The following KAZN variants were observed in gnomAD, a reference collection of about 807,000 sequenced individuals.
KAZN encodes kazrin.
A neutral mutation model predicts 87.4 loss-of-function variants in KAZN; 40 were observed. The ratio of observed to expected loss-of-function variants is 0.46; its 90% CI spans 0.36 to 0.60. KAZN has a LOEUF of 0.60. Among genes scored for constraint, KAZN ranks in the 20% least tolerant of loss-of-function variants. The probability of loss-of-function intolerance (pLI) is 0.00; values close to 1 mark genes in which losing one functional copy is unlikely to be tolerated. For synonymous variants in KAZN, 466 were observed against 458.3 expected, an observed-to-expected ratio of 1.02 and a Z score of -0.22; for missense variants, 898 against 1,073.9, an observed-to-expected ratio of 0.84 and a Z score of 2.29.
chr1:15,092,443 GTGTT>G (rs1640595215), intron 8 of KAZN, among the ~76,000 whole-genome samples: 1 of 151,190 alleles, frequency 6.6e-6, no homozygotes, highest in Non-Finnish European at 1.5e-5. Flanking sequence ...GTGTGTGTGT[GTGTT>G]TTTATTTGTT....
chr1:15,027,621 AATGTAGTTCCTGAAGGTTCCATG>A (rs1671304996), intron 2 of KAZN, among the ~76,000 whole-genome samples: 1 of 152,184 alleles, frequency 6.6e-6, no homozygotes, highest in Non-Finnish European at 1.5e-5. Context: ...CATTTCGCAG[AATGTAGTTCCTGAAGGTTCCATG>A]GGTCAGGAAC....
chr1:14,134,904 C>T (rs1228458180), intron 1 of KAZN, among the ~76,000 whole-genome samples: 2 of 151,874 alleles, frequency 1.3e-5, no homozygotes. Context: ...GATTCAATGA[C>T]ATATTTTCCA....
At chr1:14,236,270 G>T (rs1648412748) in intron 2 of KAZN, among the ~76,000 whole-genome samples, 1 of 152,142 alleles carries the variant, frequency 6.6e-6, no homozygotes, top group Non-Finnish European at 1.5e-5. Context: ...AGAGGGAGGT[G>T]TGAAGGTTCT....
intron 8 of KAZN, among the ~76,000 whole-genome samples, chr1:15,092,895 TG>T (rs1640619114): frequency 1.3e-5 from 2 of 150,322 alleles, no homozygotes; most frequent in African/African-American, 4.9e-5. Flanking sequence ...TATAGAAGAG[TG>T]GGGTTAGAAA....
chr1:14,128,553 C>G (rs1238032240), intron 1 of KAZN, among the ~76,000 whole-genome samples: 1 of 152,156 alleles, frequency 6.6e-6, no homozygotes, highest in African/African-American at 2.4e-5. Flanking sequence ...CTGTGTACCC[C>G]TGTGGTCTCT....
chr1:14,138,116 T>A (rs1385108352), intron 1 of KAZN, among the ~76,000 whole-genome samples: 2 of 151,360 alleles, frequency 1.3e-5, no homozygotes, highest in Non-Finnish European at 2.9e-5. Context: ...TGTATACATA[T>A]CCTATATGTT....
intron 2 of KAZN, among the ~76,000 whole-genome samples, chr1:14,447,583 A>C (rs1438089777): frequency 6.6e-6 from 1 of 152,064 alleles, no homozygotes. Flanking sequence ...TTACCTGGGC[A>C]ATGTCCATCC....
chr1:15,049,164 C>T (rs144612560), intron 4 of KAZN, among the ~76,000 whole-genome samples: 6 of 152,194 alleles, frequency 3.9e-5, no homozygotes, highest in Non-Finnish European at 7.4e-5. Flanking sequence ...CCAGCCTTCC[C>T]TCAGTCCACA....
intron 1 of KAZN, among the ~76,000 whole-genome samples, chr1:14,734,583 G>A (rs1172722858): frequency 6.6e-6 from 1 of 152,150 alleles, no homozygotes; most frequent in African/African-American, 2.4e-5. Flanking sequence ...AAAGTGCTGG[G>A]ATTACAGGCC....
At chr1:14,302,834 C>G (rs1461732668) in intron 2 of KAZN, among the ~76,000 whole-genome samples, 1 of 152,138 alleles carries the variant, frequency 6.6e-6, no homozygotes. Context: ...GCCACCTCTC[C>G]CCTTGCCTTG....
intron 1 of KAZN, among the ~76,000 whole-genome samples, chr1:14,845,356 GATGA>G (rs1648606868): frequency 6.7e-6 from 1 of 149,726 alleles, no homozygotes; most frequent in Non-Finnish European, 1.5e-5. Context: ...TGAAGGGATG[GATGA>G]GTGGATGGAT....
At chr1:14,999,464 A>T (rs942117940) in intron 2 of KAZN, among the ~76,000 whole-genome samples, 2 of 150,628 alleles carry the variant, frequency 1.3e-5, no homozygotes, top group Non-Finnish European at 2.9e-5. Flanking sequence ...GCTTCCTCCT[A>T]CCCAGTGCGT....
intron 1 of KAZN, among the ~76,000 whole-genome samples, chr1:14,072,371 C>G (rs1643281251): frequency 6.6e-6 from 1 of 152,158 alleles, no homozygotes; most frequent in South Asian, 2.1e-4. Context: ...CAAGCCCCAG[C>G]TGTGGTGCTC....
At chr1:15,062,204 G>A (rs1351086001) in intron 6 of KAZN, 1 of 152,276 alleles carries the variant, frequency 6.6e-6, no homozygotes, top group Admixed American at 6.5e-5. Flanking sequence ...CCATAGCCTT[G>A]GCACATTCCT....
intron 1 of KAZN, among the ~76,000 whole-genome samples, chr1:14,768,851 T>C (rs1352571917): frequency 1.3e-5 from 2 of 152,212 alleles, no homozygotes; most frequent in African/African-American, 4.8e-5. Context: ...GGCCAAATGG[T>C]TTGCTTTTCA....
At chr1:14,296,961 A>G (rs1654170361) in intron 2 of KAZN, among the ~76,000 whole-genome samples, 1 of 152,084 alleles carries the variant, frequency 6.6e-6, no homozygotes, top group South Asian at 2.1e-4. Flanking sequence ...CACAAAGAAC[A>G]GCACAGTTCT....
intron 2 of KAZN, among the ~76,000 whole-genome samples, chr1:14,968,105 A>G (rs1205383329): frequency 6.6e-6 from 1 of 152,048 alleles, no homozygotes; most frequent in African/African-American, 2.4e-5. Context: ...TAATTATACA[A>G]TTCACCCTAA....
At chr1:14,617,837 C>G (rs569326424) in intron 1 of KAZN, among the ~76,000 whole-genome samples, 1 of 152,272 alleles carries the variant, frequency 6.6e-6, no homozygotes, top group African/African-American at 2.4e-5. Flanking sequence ...GTGTATGAAG[C>G]CTTAATGTCC....
chr1:14,977,996 G>C (rs1046767630), intron 2 of KAZN, among the ~76,000 whole-genome samples: 3 of 148,112 alleles, frequency 2.0e-5, no homozygotes, highest in African/African-American at 5.1e-5. Context: ...TGGTTCAAGC[G>C]ATTCTCCTGC....
Sources: allele counts gnomAD v4.1 joint callset (sites outside exome capture counted in the v4.1 genomes callset), GRCh38; gene constraint gnomAD v4.1.1; transcripts MANE v1.5; gene names NCBI Gene and HGNC (gene_info 2026-07-23, HGNC 2026-07-21).